ADD2: variants seen among roughly 807,000 people sequenced by gnomAD.
ADD2 encodes the protein beta-adducin.
A neutral mutation model predicts 83.0 loss-of-function variants in ADD2; 23 were observed. The observed-to-expected ratio is 0.28, with a 90% confidence interval of 0.20 to 0.39. The LOEUF (loss-of-function observed/expected upper bound fraction) is 0.39. Among genes scored for constraint, ADD2 ranks in the 10% least tolerant of loss-of-function variants. ADD2 has a pLI of 1.00. For synonymous variants in ADD2, 375 were observed against 375.4 expected (o/e 1.00, Z 0.01); for missense variants, 758 against 944.9 (o/e 0.80, Z 2.59).
chr2:70,665,098 G>A (rs576408931), intron 15 of ADD2, among the ~76,000 whole-genome samples: 1 of 152,270 alleles, frequency 6.6e-6, no homozygotes, highest in East Asian at 1.9e-4. Context: ...GTATGGAATC[G>A]TGGGTGATGT....
At chr2:70,760,321 C>T (rs1675017945) in intron 1 of ADD2, among the ~76,000 whole-genome samples, 1 of 152,156 alleles carries the variant, frequency 6.6e-6, no homozygotes, top group Non-Finnish European at 1.5e-5. Context: ...CTCGTCTTGT[C>T]TAAAACTGAC....
At chr2:70,666,742 C>A (rs1303049317) in intron 15 of ADD2, among the ~76,000 whole-genome samples, 1 of 151,952 alleles carries the variant, frequency 6.6e-6, no homozygotes, top group Non-Finnish European at 1.5e-5. Context: ...GCAACAGCCT[C>A]AGCCCCTGGT....
At chr2:70,724,848 A>G (rs899347111) in intron 1 of ADD2, among the ~76,000 whole-genome samples, 1 of 152,238 alleles carries the variant, frequency 6.6e-6, no homozygotes, top group African/African-American at 2.4e-5. Context: ...TGTGGACAGG[A>G]CAGATGCCCA....
intron 7 of ADD2, 92 bp from the exon 8 acceptor site, chr2:70,691,021 G>C: frequency 2.1e-6 from 3 of 1,435,154 alleles, no homozygotes; most frequent in Non-Finnish European, 2.8e-6. Context: ...GGGCCAGTGA[G>C]GGGTGAGGGG....
chr2:70,740,125 A>G (rs1553380811), intron 1 of ADD2, among the ~76,000 whole-genome samples: 1 of 152,246 alleles, frequency 6.6e-6, no homozygotes, highest in African/African-American at 2.4e-5. Flanking sequence ...ATCAGAGACA[A>G]TAAAAGTTAA....
At chr2:70,679,024 A>G (rs781875420) in intron 10 of ADD2, 63 bp from the exon 11 acceptor site, 7 of 1,510,758 alleles carry the variant, frequency 4.6e-6, no homozygotes, top group Admixed American at 2.1e-5. Context: ...CTGCACATAC[A>G]TGCACACACA....
In ADD2 at chr2:70,767,868, C is replaced by G; in HGVS notation, c.-154+18G>C. 6.5e-7 allele frequency: 1 copy of G among 1,535,726 alleles called. No homozygotes were observed. Among genetic ancestry groups the G allele is most frequent in the Admixed American group, 2.0e-5 (1 of 50,986 alleles). On this transcript the variant is annotated intron_variant, in intron 1 of 15. Transcript: ENST00000264436. The stretch of plus-strand genomic sequence containing the variant: ...GCGACCCCAGGCAGCCCACCAGGCC[C>G]GCTCCCCAGACCCTTACCTCCTGCG...
intron 1 of ADD2, among the ~76,000 whole-genome samples, chr2:70,735,230 A>AG (rs782435189): frequency 1.3e-5 from 2 of 152,138 alleles, no homozygotes; most frequent in South Asian, 2.1e-4. Context: ...GGGAAAAAAA[A>AG]GAGTGCCCTC....
chr2:70,663,283 G>T lies in ADD2; in HGVS notation c.*142C>A. 1.0e-6 allele frequency: 1 copy of T among 958,032 alleles called. No homozygotes were observed. Among genetic ancestry groups the T allele is most frequent in the Non-Finnish European group, 1.6e-6 (1 of 641,536 alleles). The allele number at this position is 958,032 out of a possible 1,614,324, so 59.3% of individuals were successfully genotyped here. ...GCAACTGTAAAACGAAGGGTTGGTC[G>T]GGTGATCTCTAAGTTCCCCTTCCGA... On this transcript the variant is annotated 3_prime_UTR_variant, in exon 16 of 16. Transcript: ENST00000264436.
chr2:70,682,759 T>A (rs1018958585), intron 10 of ADD2, among the ~76,000 whole-genome samples: 1 of 152,072 alleles, frequency 6.6e-6, no homozygotes, highest in Non-Finnish European at 1.5e-5. Flanking sequence ...TGTCTTAAAA[T>A]TTTTTTTGTA....
In ADD2 at chr2:70,695,725, C is replaced by A. The variant is rs781973023; in HGVS notation, c.551G>T (p.Ser184Ile). Reference sequence around the variant, plus strand: ...GTGATGCTGGACTGTACTCACCAGGCTGGACGCTGTGACTTCACTGCAAGA... The same window carrying A: ...GTGATGCTGGACTGTACTCACCAGGATGGACGCTGTGACTTCACTGCAAGA... ...GVSCSEVTAS[S>I]LIKVNILGEV... Residue 184 changes from serine (S) to isoleucine (I), a missense_variant, in exon 6 of 16, where the codon AGC becomes ATC. Coordinates refer to ENST00000264436, the MANE Select transcript of ADD2 (RefSeq NM_001617.4). 3.1e-6 allele frequency: 5 copies of A among 1,614,038 alleles called. No homozygotes were observed. The African/African-American group carries it at 5.3e-5, about 17-fold the overall frequency.
At chr2:70,740,678 A>G (rs1553380928) in intron 1 of ADD2, among the ~76,000 whole-genome samples, 1 of 151,782 alleles carries the variant, frequency 6.6e-6, no homozygotes, top group Non-Finnish European at 1.5e-5. Flanking sequence ...GTGTGTGTCT[A>G]AGAAATTTTT....
At chr2:70,733,894 T>C (rs1235062073) in intron 1 of ADD2, among the ~76,000 whole-genome samples, 1 of 152,214 alleles carries the variant, frequency 6.6e-6, no homozygotes. Flanking sequence ...CAAGTCCCAG[T>C]GCTTTCCACA....
At chr2:70,745,896 T>C (rs1157554855) in intron 1 of ADD2, among the ~76,000 whole-genome samples, 1 of 152,220 alleles carries the variant, frequency 6.6e-6, no homozygotes, top group Middle Eastern at 3.2e-3. Flanking sequence ...ATTACATAAA[T>C]ATCACTCAAT....
chr2:70,704,265 C>CCCCCCCCCCCCCCCCCCCCCA, intron 4 of ADD2, 56 bp downstream of exon 4: 1 of 442,438 alleles, frequency 2.3e-6, no homozygotes, highest in Non-Finnish European at 4.5e-6. Flanking sequence ...CCCTCTCTTC[C>CCCCCCCCCCCCCCCCCCCCCA]CCACCCCACC....
chr2:70,670,722 C>CA (rs1406439705), intron 15 of ADD2, among the ~76,000 whole-genome samples: 1 of 152,184 alleles, frequency 6.6e-6, no homozygotes, highest in African/African-American at 2.4e-5. Context: ...CAGAGACTTG[C>CA]ATGGTGGGTC....
chr2:70,715,708 A>G (rs79380402), intron 1 of ADD2, among the ~76,000 whole-genome samples: 4,468 of 152,066 alleles, frequency 0.029, 200 homozygotes, highest in African/African-American at 0.1. Context: ...TTAAAAATCA[A>G]CCTGCAAATG....
chr2:70,697,582 T>C (rs545419154), intron 4 of ADD2, among the ~76,000 whole-genome samples: 106 of 152,202 alleles, frequency 7.0e-4, no homozygotes, highest in Non-Finnish European at 1.2e-3. Context: ...GGGAGCCTCC[T>C]GATGCTGCCT....
intron 1 of ADD2, among the ~76,000 whole-genome samples, chr2:70,764,719 G>A (rs1384733374): frequency 2.0e-5 from 3 of 151,810 alleles, no homozygotes; most frequent in African/African-American, 4.9e-5. Context: ...AGGAGGTCCC[G>A]GCTACAGGGA....
Sources: gnomAD v4.1 joint callset for allele counts (sites outside exome capture counted in the v4.1 genomes callset) on GRCh38, gnomAD v4.1.1 for gene constraint, MANE v1.5 for transcripts, NCBI Gene and HGNC (gene_info 2026-07-23, HGNC 2026-07-21) for gene names.